The following NME7 variants were observed in gnomAD, a reference collection of about 807,000 sequenced individuals.
The protein encoded by NME7 is nucleoside diphosphate kinase 7.
Under a neutral mutation model 49.1 loss-of-function variants are expected in NME7, and 41 were observed. The ratio of observed to expected loss-of-function variants is 0.83; its 90% confidence interval spans 0.65 to 1.08. NME7 has a LOEUF of 1.08. Ranked by LOEUF, NME7 falls within the 50% of genes least tolerant of loss-of-function variation. The pLI is 0.00. For missense variants in NME7, 423 were observed against 463.4 expected (o/e 0.91, Z 0.80); for synonymous variants, 139 against 150.6 (o/e 0.92, Z 0.56).
At chr1:169,343,828 G>GT (rs1391162887) in intron 1 of NME7, among the ~76,000 whole-genome samples, 1 of 152,076 alleles carries the variant, frequency 6.6e-6, no homozygotes, top group Non-Finnish European at 1.5e-5. Flanking sequence ...TTTGTAGTAA[G>GT]TTTTGAAACC....
chr1:169,251,511 G>T (rs1426677425), intron 7 of NME7, among the ~76,000 whole-genome samples: 3 of 143,074 alleles, frequency 2.1e-5, no homozygotes, highest in South Asian at 4.5e-4. Context: ...TACTGTTCCA[G>T]TTATCCTGTT....
At chr1:169,163,420 A>T (rs906421588) in intron 11 of NME7, among the ~76,000 whole-genome samples, 2 of 152,154 alleles carry the variant, frequency 1.3e-5, no homozygotes, top group Non-Finnish European at 2.9e-5. Context: ...GGATCAATTA[A>T]ATTAGAATCT....
At chr1:169,235,221 A>C (rs1266784775) in intron 8 of NME7, 22 bp from the exon 9 acceptor site, 1 of 1,386,682 alleles carries the variant, frequency 7.2e-7, no homozygotes, top group South Asian at 1.3e-5. Flanking sequence ...AATAAAACAA[A>C]ACAAAACCAT....
intron 1 of NME7, among the ~76,000 whole-genome samples, chr1:169,355,303 A>C (rs1410591615): frequency 9.4e-6 from 1 of 106,644 alleles, no homozygotes; most frequent in South Asian, 2.4e-4. Context: ...TATATTATAT[A>C]TAATATATTG....
chr1:169,310,046 T>A lies in NME7; in HGVS notation c.313A>T (p.Lys105Ter). The A allele has an allele frequency of 1.9e-6, 3 of 1,609,054 alleles. No individual in the cohort carries two copies. Among genetic ancestry groups the A allele is most frequent in the Non-Finnish European group, 2.5e-6 (3 of 1,177,838 alleles). ...ATTATTTCAATTATTTCTCCAGCCTTTGATATTGCATCTGGTTTAATTAGG... is the reference window on the plus strand; with the variant it reads ...ATTATTTCAATTATTTCTCCAGCCTATGATATTGCATCTGGTTTAATTAGG... ...LALIKPDAISKAGEIIEIINK... is the reference protein window; with the variant it reads ...LALIKPDAIS Residue 105 changes from lysine (K) to a stop codon, truncating the protein, a stop_gained, in exon 4 of 12, where the codon AAG (lysine) becomes TAG (stop). Coordinates refer to ENST00000367811, the MANE Select transcript of NME7 (RefSeq NM_013330.5). LOFTEE classifies it high-confidence loss of function.
chr1:169,237,507 G>A (rs1571315311), intron 8 of NME7, 116 bp downstream of exon 8: 3 of 669,360 alleles, frequency 4.5e-6, no homozygotes, highest in East Asian at 2.9e-5. Flanking sequence ...CAGTAAGTAT[G>A]TCTTTTATTT....
intron 11 of NME7, among the ~76,000 whole-genome samples, chr1:169,133,358 C>A (rs1658312292): frequency 6.6e-6 from 1 of 152,216 alleles, no homozygotes; most frequent in African/African-American, 2.4e-5. Flanking sequence ...GAAACGGAAA[C>A]CTTTCGCAAA....
At chr1:169,296,749 CAGGCT>C (rs71121755) in intron 6 of NME7, among the ~76,000 whole-genome samples, 37,137 of 151,992 alleles carry the variant, frequency 0.24, 5,496 homozygotes, top group Non-Finnish European at 0.34. Flanking sequence ...TTCTGATAAT[CAGGCT>C]AAGAACTTTG....
rs1659519857 is a variant in NME7 at position 169,169,627 on chromosome 1, A to T, written c.991-73T>A. 3.8e-6 allele frequency: 5 copies of T among 1,328,906 alleles called. No individual in the cohort carries two copies. The African/African-American group carries it at 4.3e-5, about 12-fold the overall frequency. 82.3% of individuals were successfully genotyped at this position (1,328,906 alleles called of 1,614,324 possible). A position where few individuals can be genotyped will look rare whatever the true frequency, so the allele number is the denominator to read the frequency against. ...AAATAAGAAAAACACTAGCTATATG[A>T]AACGCTAACTTATTTATGAAATACA... On this transcript the variant is annotated intron_variant, in intron 10 of 11. Coordinates refer to ENST00000367811, the MANE Select transcript of NME7 (RefSeq NM_013330.5).
chr1:169,287,074 A>G (rs1372309638), intron 7 of NME7: 8 of 461,524 alleles, frequency 1.7e-5, no homozygotes, highest in Non-Finnish European at 3.1e-5. Context: ...ACTGAGCCTG[A>G]GCATGATCAG....
intron 10 of NME7, among the ~76,000 whole-genome samples, chr1:169,192,093 A>G (rs773554440): frequency 1.3e-5 from 2 of 152,260 alleles, no homozygotes; most frequent in Non-Finnish European, 2.9e-5. Flanking sequence ...AAAGGTGTAA[A>G]GAGACTTCTC....
chr1:169,327,586 C>G (rs1022053883), intron 1 of NME7, among the ~76,000 whole-genome samples: 1 of 152,094 alleles, frequency 6.6e-6, no homozygotes, highest in Non-Finnish European at 1.5e-5. Context: ...CCTAGAGCAC[C>G]AGTCTTACTC....
chr1:169,228,609 G>A (rs1647446641), intron 10 of NME7, among the ~76,000 whole-genome samples: 1 of 150,420 alleles, frequency 6.6e-6, no homozygotes, highest in South Asian at 2.1e-4. Context: ...CCCGGGAAGC[G>A]GAGCTTGCAG....
At chr1:169,310,923 C>G (rs1651356941) in intron 3 of NME7, among the ~76,000 whole-genome samples, 2 of 152,308 alleles carry the variant, frequency 1.3e-5, no homozygotes, top group Non-Finnish European at 1.5e-5. Context: ...CTCAAGAATA[C>G]TATTTGCAAA....
At chr1:169,279,080 G>T (rs1649883422) in intron 7 of NME7, among the ~76,000 whole-genome samples, 1 of 152,208 alleles carries the variant, frequency 6.6e-6, no homozygotes, top group Admixed American at 6.5e-5. Context: ...CGTGTGAGGT[G>T]TCAGTCTGCC....
chr1:169,204,738 C>A (rs1028515968), intron 10 of NME7, among the ~76,000 whole-genome samples: 1 of 151,994 alleles, frequency 6.6e-6, no homozygotes, highest in African/African-American at 2.4e-5. Flanking sequence ...GTAAACTTAT[C>A]TTTTCTTACA....
At position 169,230,781 on chromosome 1, in the gene NME7, T is replaced by C. The variant is rs1232006523; in HGVS notation, c.927A>G (p.Ala309=). 3.7e-6 allele frequency: 6 copies of C among 1,607,384 alleles called. No homozygotes were observed. The highest frequency in any genetic ancestry group is 5.1e-6 in the Non-Finnish European group (6 of 1,177,188). ...TAGCATTATTCTGTTGAATCTCCAT[T>C]GCTACACAAGGGCCAGAATACATTT... ...VTEMYSGPCV[A]MEIQQNNATK... Residue 309 remains alanine, a synonymous_variant, in exon 10 of 12, where the codon GCA becomes GCG. Coordinates refer to ENST00000367811, the MANE Select transcript of NME7 (RefSeq NM_013330.5).
At chr1:169,289,177 A>G (rs537824038) in intron 6 of NME7, among the ~76,000 whole-genome samples, 1 of 152,094 alleles carries the variant, frequency 6.6e-6, no homozygotes, top group Admixed American at 6.6e-5. Flanking sequence ...TACCTGACCA[A>G]CAGTATTTGA....
At chr1:169,255,930 T>G (rs1648910104) in intron 7 of NME7, among the ~76,000 whole-genome samples, 1 of 133,662 alleles carries the variant, frequency 7.5e-6, no homozygotes, top group East Asian at 2.0e-4. Context: ...TGCCGAGAGA[T>G]CCACTGTTAG....
Sources: gnomAD v4.1 joint callset for allele counts (sites outside exome capture counted in the v4.1 genomes callset) on GRCh38, gnomAD v4.1.1 for gene constraint, MANE v1.5 for transcripts, NCBI Gene and HGNC (gene_info 2026-07-23, HGNC 2026-07-21) for gene names.